ZNF226: variants seen among roughly 807,000 people sequenced by gnomAD.
ZNF226 encodes Kruppel-associated box protein.
ZNF226 carries 6 observed loss-of-function variants against 11.4 expected under a neutral mutation model. That is an observed-to-expected ratio of 0.53 (90% CI 0.29 to 1.04). The LOEUF (loss-of-function observed/expected upper bound fraction) is 1.04, where lower values mean the gene tolerates loss of function less well. Ranked by LOEUF, ZNF226 falls within the 50% of genes least tolerant of loss-of-function variation. ZNF226 has a pLI of 0.08. For synonymous variants in ZNF226, 350 were observed against 322.8 expected, an observed-to-expected ratio of 1.08 and a Z score of -0.90; for missense variants, 1,058 against 956.5, an observed-to-expected ratio of 1.11 and a Z score of -1.40.
At chr19:44,196,165 CTACTTT>C in the ZNF226 span, among the ~76,000 whole-genome samples, 1 of 152,228 alleles carries the variant, frequency 6.6e-6, no homozygotes, top group Admixed American at 6.5e-5. Context: ...TGTGAGTGGA[CTACTTT>C]TAATGAGCAG....
downstream of ZNF226, among the ~76,000 whole-genome samples, chr19:44,179,998 A>T (rs1296305429): frequency 6.6e-6 from 1 of 151,230 alleles, no homozygotes; most frequent in Admixed American, 6.6e-5. Flanking sequence ...GAGGCAGAAG[A>T]ATCATTTGAA....
chr19:44,177,607 C>A lies in ZNF226; in HGVS notation c.2345C>A (p.Ser782Tyr), dbSNP rs1970820343. Reference protein sequence around the residue: ...VHHRIHVGDKSYKSNRGGKNI... With the variant: ...VHHRIHVGDKYYKSNRGGKNI... Reference sequence around the variant, plus strand: ...CACAGAATCCATGTTGGTGATAAATCCTATAAAAGTAATAGGGGTGGTAAG... The same window carrying A: ...CACAGAATCCATGTTGGTGATAAATACTATAAAAGTAATAGGGGTGGTAAG... Residue 782 changes from serine to tyrosine, a missense_variant, in exon 6 of 6, where the codon TCC becomes TAC. Transcript: ENST00000337433. 1.2e-6 allele frequency: 2 copies of A among 1,613,520 alleles called. No individual in the cohort carries two copies. Among genetic ancestry groups the A allele is most frequent in the African/African-American group, 2.7e-5 (2 of 74,838 alleles).
the ZNF226 span, among the ~76,000 whole-genome samples, chr19:44,194,438 G>C: frequency 6.6e-6 from 1 of 151,900 alleles, no homozygotes. Context: ...ACCACATCTG[G>C]CTAATTTCTA....
At chr19:44,180,529 C>T (rs1465552603), downstream of ZNF226, among the ~76,000 whole-genome samples, 1 of 152,118 alleles carries the variant, frequency 6.6e-6, no homozygotes, top group Non-Finnish European at 1.5e-5. Flanking sequence ...CTCTCAGTAG[C>T]TTAGTGAGTT....
the ZNF226 span, among the ~76,000 whole-genome samples, chr19:44,193,510 C>T: frequency 1.3e-5 from 2 of 151,908 alleles, no homozygotes; most frequent in Admixed American, 6.6e-5. Flanking sequence ...TTGGGTAAAG[C>T]TGTTTTTATA....
In ZNF226 at chr19:44,177,401, T is replaced by C. The variant is rs1970793379; in HGVS notation, c.2139T>C (p.Ser713=). Residue 713 remains serine, a synonymous_variant, in exon 6 of 6, where the codon AGT becomes AGC. Coordinates refer to ENST00000337433, the MANE Select transcript of ZNF226 (RefSeq NM_001032373.2). The part of the protein sequence containing the change: ...ECGKYFSQAS[S]LQLHQSVHTG... ...GTAAGTACTTCAGTCAGGCCTCAAGTCTTCAACTTCATCAGAGTGTCCACA... is the reference window on the plus strand; with the variant it reads ...GTAAGTACTTCAGTCAGGCCTCAAGCCTTCAACTTCATCAGAGTGTCCACA... 1.9e-6 allele frequency: 3 copies of C among 1,613,954 alleles called. No homozygotes were observed. The highest frequency in any genetic ancestry group is 1.7e-4 in the Middle Eastern group (1 of 6,060).
intron 5 of ZNF226, chr19:44,173,355 G>T (rs1970335371): frequency 3.6e-6 from 1 of 275,102 alleles, no homozygotes; most frequent in East Asian, 6.2e-5. Context: ...TATCAAGGAT[G>T]CTTCTGCCTC....
At chr19:44,179,280 CA>C (rs1291833505), downstream of ZNF226, among the ~76,000 whole-genome samples, 5 of 152,166 alleles carry the variant, frequency 3.3e-5, no homozygotes, top group Admixed American at 2.0e-4. Context: ...GAAGAGAATG[CA>C]GGAATTTTTT....
the ZNF226 span, among the ~76,000 whole-genome samples, chr19:44,193,070 A>C: frequency 1.3e-5 from 2 of 152,148 alleles, no homozygotes; most frequent in Non-Finnish European, 2.9e-5. Flanking sequence ...TATTTTAACA[A>C]CAATTTTAAA....
At chr19:44,168,998 CTTTTTTTTTTT>C (rs34967576) in intron 2 of ZNF226, among the ~76,000 whole-genome samples, 21 of 90,816 alleles carry the variant, frequency 2.3e-4, no homozygotes, top group African/African-American at 1.0e-3. Flanking sequence ...CTCCCTTTTC[CTTTTTTTTTTT>C]TTTTTTTTTT....
chr19:44,176,670 A>G lies in ZNF226; in HGVS notation c.1408A>G (p.Thr470Ala). The G allele has an allele frequency of 5.6e-6, 9 of 1,614,074 alleles. No homozygotes were observed. The highest frequency in any genetic ancestry group is 7.6e-6 in the Non-Finnish European group (9 of 1,179,994). ...SSLQAHQGVH[T>A]GEKSYICTVC... ...TCTTCAGGCCCATCAGGGAGTTCAC[A>G]CTGGAGAGAAGTCATACATATGTAC... Residue 470 changes from threonine to alanine, a missense_variant, in exon 6 of 6, where the codon ACT becomes GCT. By Grantham distance (58) the Thr-to-Ala change is moderately conservative. Transcript: ENST00000337433.
chr19:44,177,550 G>T lies in ZNF226; in HGVS notation c.2288G>T (p.Ser763Ile). 3 of 1,614,076 alleles carry T rather than the reference G, an allele frequency of 1.9e-6. No homozygotes were observed. The highest frequency in any genetic ancestry group is 2.5e-6 in the Non-Finnish European group (3 of 1,179,926). Residue 763 changes from serine to isoleucine, a missense_variant, in exon 6 of 6, where the codon AGC becomes ATC. Transcript: ENST00000337433. ...KPYKCEICGK[S>I]FSWRSNLTVH... ...TATAAATGTGAGATATGTGGTAAGA[G>T]CTTCAGTTGGCGATCAAATCTTACA...
intron 5 of ZNF226, chr19:44,175,210 T>C: frequency 7.1e-7 from 1 of 1,412,314 alleles, no homozygotes; most frequent in Non-Finnish European, 9.2e-7. Flanking sequence ...TGATACCATA[T>C]TATGGTAGGA....
chr19:44,172,809 A>G, intron 4 of ZNF226, 51 bp from the exon 5 acceptor site: 1 of 1,471,946 alleles, frequency 6.8e-7, no homozygotes, highest in Non-Finnish European at 9.3e-7. Flanking sequence ...TTTCCAGTGT[A>G]TTTTAACTCT....
At chr19:44,183,071 C>T (rs1255736899), downstream of ZNF226, among the ~76,000 whole-genome samples, 2 of 152,148 alleles carry the variant, frequency 1.3e-5, no homozygotes, top group Non-Finnish European at 2.9e-5. Context: ...ACTTATACTA[C>T]CATAAATCAT....
chr19:44,174,988 C>T, intron 5 of ZNF226: 3 of 1,610,264 alleles, frequency 1.9e-6, no homozygotes, highest in Non-Finnish European at 1.7e-6. Context: ...TTTCAGATAC[C>T]TTACTTGTAA....
At chr19:44,182,435 G>T (rs760418004), downstream of ZNF226, among the ~76,000 whole-genome samples, 1 of 152,188 alleles carries the variant, frequency 6.6e-6, no homozygotes, top group Non-Finnish European at 1.5e-5. Flanking sequence ...ACAGCAGTGC[G>T]GGGGTTTGGA....
At position 44,176,691 on chromosome 19, in the gene ZNF226, T is replaced by G. The variant is rs201119111; in HGVS notation, c.1429T>G (p.Cys477Gly). The change falls in exon 6 of 6, where the codon TGT (cysteine) becomes GGT (glycine). Residue 477 changes from cysteine to glycine, a missense_variant. By Grantham distance (159) the Cys-to-Gly change is radical. Coordinates refer to ENST00000337433, the MANE Select transcript of ZNF226 (RefSeq NM_001032373.2). Reference protein sequence around the residue: ...GVHTGEKSYICTVCGKGFTLS... With the variant: ...GVHTGEKSYIGTVCGKGFTLS... ...TCACACTGGAGAGAAGTCATACATA[T>G]GTACTGTATGTGGGAAAGGCTTTAC... is the stretch of plus-strand genomic sequence containing the variant. 9.3e-6 allele frequency: 15 copies of G among 1,614,064 alleles called. No individual in the cohort carries two copies. Among genetic ancestry groups the G allele is most frequent in the South Asian group, 2.2e-5 (2 of 91,074 alleles).
downstream of ZNF226, among the ~76,000 whole-genome samples, chr19:44,178,581 T>A (rs1489603988): frequency 6.6e-6 from 1 of 152,218 alleles, no homozygotes; most frequent in African/African-American, 2.4e-5. Context: ...AGTTAAAATT[T>A]GATAAATTTC....
Sources: gnomAD v4.1 joint callset for allele counts (sites outside exome capture counted in the v4.1 genomes callset) on GRCh38, gnomAD v4.1.1 for gene constraint, MANE v1.5 for transcripts, NCBI Gene and HGNC (gene_info 2026-07-23, HGNC 2026-07-21) for gene names.